Variants in NRCAM observed in about 807,000 individuals in gnomAD.
NRCAM encodes neuronal cell adhesion molecule, also known as NgCAM-related cell adhesion molecule.
A neutral mutation model predicts 156.5 loss-of-function variants in NRCAM; 83 were observed. That is an observed-to-expected ratio of 0.53 (90% confidence interval 0.44 to 0.64). The LOEUF is 0.64. NRCAM is among the 30% of genes least tolerant of loss of function. The probability of loss-of-function intolerance (pLI) is 0.00; values close to 1 mark genes in which losing one functional copy is unlikely to be tolerated. For synonymous variants in NRCAM, 538 were observed against 563.9 expected, an observed-to-expected ratio of 0.95 and a Z score of 0.65; for missense variants, 1,417 against 1,597.3, an observed-to-expected ratio of 0.89 and a Z score of 1.92.
intron 3 of NRCAM, among the ~76,000 whole-genome samples, chr7:108,300,829 TATC>T (rs1297374127): frequency 1.3e-5 from 2 of 152,184 alleles, no homozygotes; most frequent in African/African-American, 4.8e-5. Context: ...TTGATTAAAA[TATC>T]ATACTCAATA....
intron 13 of NRCAM, among the ~76,000 whole-genome samples, chr7:108,203,396 C>A (rs1209568263): frequency 2.6e-5 from 4 of 151,228 alleles, no homozygotes; most frequent in Non-Finnish European, 5.9e-5. Context: ...AAGGGTAAAG[C>A]TTTAGGAGAC....
chr7:108,198,093 G>C lies in NRCAM; in HGVS notation c.1214C>G (p.Pro405Arg), dbSNP rs559209446. 6.3e-7 allele frequency: 1 copy of C among 1,598,682 alleles called. No individual in the cohort carries two copies. Among genetic ancestry groups the C allele is most frequent in the Admixed American group, 1.8e-5 (1 of 56,734 alleles). Residue 405 changes from proline (P) to arginine (R), a missense_variant, in exon 14 of 33, where the codon CCT becomes CGT. Around this residue, in one of 2 missense-constraint regions of NRCAM, gnomAD observed 1,238 missense variants for 1,336.4 expected, o/e 0.93. Transcript: ENST00000379028. ...LTNGVPIEIAPDDPSRKIDGD... is the reference protein window; with the variant it reads ...LTNGVPIEIARDDPSRKIDGD... ...ATCTATTTTTCTGCTGGGGTCATCA[G>C]GGGCAACTGTTTGGATGTAAAAATA...
intron 32 of NRCAM, among the ~76,000 whole-genome samples, chr7:108,155,389 G>T (rs1232903281): frequency 6.6e-6 from 1 of 151,874 alleles, no homozygotes; most frequent in African/African-American, 2.4e-5. Flanking sequence ...AAAGTATCCA[G>T]TATACAAGTA....
intron 2 of NRCAM, among the ~76,000 whole-genome samples, chr7:108,376,830 T>A (rs2099677720): frequency 6.6e-6 from 1 of 152,180 alleles, no homozygotes. Flanking sequence ...TTTACTACCA[T>A]GATCAATGAC....
intron 3 of NRCAM, among the ~76,000 whole-genome samples, chr7:108,280,510 G>C (rs1316983637): frequency 3.9e-5 from 6 of 152,190 alleles, no homozygotes; most frequent in African/African-American, 1.4e-4. Flanking sequence ...TTGGAATGGA[G>C]ACCTCCCACT....
chr7:108,445,172 T>C (rs962061984), intron 1 of NRCAM, among the ~76,000 whole-genome samples: 11 of 152,350 alleles, frequency 7.2e-5, no homozygotes, highest in African/African-American at 2.2e-4. Flanking sequence ...GAATGGATTA[T>C]GGCTTGAAAT....
intron 3 of NRCAM, among the ~76,000 whole-genome samples, chr7:108,305,695 G>A (rs1265300163): frequency 2.0e-5 from 3 of 152,070 alleles, no homozygotes; most frequent in African/African-American, 7.2e-5. Flanking sequence ...GATTAATTGT[G>A]CTCACTGCTT....
chr7:108,341,580 T>C (rs1333017500), intron 2 of NRCAM, among the ~76,000 whole-genome samples: 1 of 152,042 alleles, frequency 6.6e-6, no homozygotes, highest in Non-Finnish European at 1.5e-5. Context: ...GGAACAACCG[T>C]TTGTGGTCCC....
intron 28 of NRCAM, among the ~76,000 whole-genome samples, chr7:108,171,615 T>G (rs901721612): frequency 2.0e-5 from 3 of 152,174 alleles, no homozygotes; most frequent in African/African-American, 7.2e-5. Flanking sequence ...AAGCTTTTCC[T>G]GATCCTGCTT....
At chr7:108,427,931 G>A (rs1346946193) in intron 1 of NRCAM, among the ~76,000 whole-genome samples, 2 of 152,068 alleles carry the variant, frequency 1.3e-5, no homozygotes, top group East Asian at 1.9e-4. Context: ...GCTCCCCTGT[G>A]GCCTCATAAC....
intron 3 of NRCAM, among the ~76,000 whole-genome samples, chr7:108,260,993 TATG>T (rs1457562991): frequency 6.6e-6 from 1 of 151,988 alleles, no homozygotes; most frequent in Non-Finnish European, 1.5e-5. Context: ...AGCAGGCCAG[TATG>T]ATACTAGGTA....
chr7:108,243,164 G>A (rs915737979), intron 3 of NRCAM: 1 of 152,116 alleles, frequency 6.6e-6, no homozygotes, highest in African/African-American at 2.4e-5. Flanking sequence ...GCCACAAATC[G>A]TCTCTAGTGT....
intron 1 of NRCAM, among the ~76,000 whole-genome samples, chr7:108,455,328 G>GGCGGCGCTCGGCGC (rs1287520120): frequency 6.6e-6 from 1 of 152,214 alleles, no homozygotes; most frequent in African/African-American, 2.4e-5. Context: ...GCTCGGCGCA[G>GGCGGCGCTCGGCGC]ATGGCGCTCG....
chr7:108,214,709 G>A (rs1365199560), intron 11 of NRCAM, among the ~76,000 whole-genome samples: 1 of 152,174 alleles, frequency 6.6e-6, no homozygotes, highest in African/African-American at 2.4e-5. Context: ...ATCAAATTTA[G>A]ATCTTTCCCA....
At chr7:108,242,879 A>G (rs1159668997) in intron 3 of NRCAM, among the ~76,000 whole-genome samples, 2 of 152,180 alleles carry the variant, frequency 1.3e-5, no homozygotes, top group Non-Finnish European at 2.9e-5. Flanking sequence ...TGTATTAACT[A>G]TTCACCCTCC....
intron 3 of NRCAM, among the ~76,000 whole-genome samples, chr7:108,286,840 A>G (rs946356587): frequency 6.6e-6 from 1 of 152,174 alleles, no homozygotes; most frequent in African/African-American, 2.4e-5. Context: ...TATTATGTTT[A>G]GGCACATCTT....
chr7:108,212,025 G>A (rs570296830), intron 11 of NRCAM, among the ~76,000 whole-genome samples: 14 of 152,274 alleles, frequency 9.2e-5, no homozygotes, highest in African/African-American at 3.4e-4. Flanking sequence ...ACCAGAACAG[G>A]TGCTGGTATC....
At chr7:108,206,575 G>A (rs1476684080) in intron 13 of NRCAM, among the ~76,000 whole-genome samples, 1 of 152,202 alleles carries the variant, frequency 6.6e-6, no homozygotes, top group East Asian at 1.9e-4. Context: ...GTTGAAAGAT[G>A]CTCCTCTCGG....
At chr7:108,416,543 T>A (rs1033036362) in intron 1 of NRCAM, among the ~76,000 whole-genome samples, 1 of 152,008 alleles carries the variant, frequency 6.6e-6, no homozygotes, top group South Asian at 2.1e-4. Flanking sequence ...TTAATTTCAT[T>A]TGATGTCTAA....
Sources: gnomAD v4.1 joint callset for allele counts (sites outside exome capture counted in the v4.1 genomes callset) on GRCh38, gnomAD v4.1.1 for gene constraint, gnomAD v4.1.1 regional missense constraint, MANE v1.5 for transcripts, NCBI Gene and HGNC (gene_info 2026-07-23, HGNC 2026-07-21) for gene names.